The following RESF1 variants were observed in gnomAD, a reference collection of about 807,000 sequenced individuals.
RESF1 encodes the protein gonad expressed transcript.
In RESF1, 65 loss-of-function variants were observed where a neutral mutation model predicts 134.7. That is an observed-to-expected ratio of 0.48 (90% CI 0.40 to 0.59). The LOEUF is 0.59. Ranked by LOEUF, RESF1 falls within the 20% of genes least tolerant of loss-of-function variation. RESF1 has a pLI of 0.00. For synonymous variants in RESF1, 762 were observed against 702.2 expected, an observed-to-expected ratio of 1.09 and a Z score of -1.35; for missense variants, 2,274 against 2,002.7, an observed-to-expected ratio of 1.14 and a Z score of -2.59.
Position 31,975,222 on chromosome 12 carries a change from G to T in RESF1, c.-79+4866G>T, listed in dbSNP as rs536007414. Among the ~76,000 whole-genome samples the T allele has an allele frequency of 2.9e-4, 44 of 152,012 alleles. 1 individual carries two copies. The highest frequency in any genetic ancestry group is 8.3e-4 in the South Asian group (4 of 4,812). On this transcript the variant is annotated intron_variant, in intron 3 of 5. Transcript: ENST00000312561. ...CCGGGAGGTGGAGGTTGCAGATCGT[G>T]CCACTGCACTCCAGCCTGGGCGACA...
intron 3 of RESF1, among the ~76,000 whole-genome samples, chr12:31,972,344 C>A (rs867687480): frequency 2.1e-4 from 32 of 151,484 alleles, no homozygotes. Context: ...CAGTGGCTCA[C>A]GCCTGTAATC....
chr12:31,980,901 C>T lies in RESF1; in HGVS notation c.-55C>T. ...AGATTCCTGACATTCAGACAACTGA[C>T]TTGTAACTGACTTATAACTGACTTG... On this transcript the variant is annotated 5_prime_UTR_variant, in exon 4 of 6. Transcript: ENST00000312561. 2 of 1,302,144 alleles carry T rather than the reference C, an allele frequency of 1.5e-6. No individual in the cohort carries two copies. Among genetic ancestry groups the T allele is most frequent in the Non-Finnish European group, 2.1e-6 (2 of 942,590 alleles). The allele number at this position is 1,302,144 out of a possible 1,614,324, so 80.7% of individuals were successfully genotyped here.
At chr12:31,977,579 C>T (rs960421608) in intron 3 of RESF1, among the ~76,000 whole-genome samples, 3 of 152,082 alleles carry the variant, frequency 2.0e-5, no homozygotes, top group African/African-American at 7.2e-5. Context: ...TATTTTCATT[C>T]GTGGCATATA....
Position 31,981,183 on chromosome 12 carries a change from T to C in RESF1, c.228T>C (p.Ser76=), listed in dbSNP as rs775299354. The change falls in exon 4 of 6, where the codon TCT becomes TCC. Residue 76 remains serine, a synonymous_variant. Transcript: ENST00000312561. ...ATTATCCTCAACAAATTTCTGTTTCTGATATGCATAATGGGACAGTTGTGG... is the reference window on the plus strand; with the variant it reads ...ATTATCCTCAACAAATTTCTGTTTCCGATATGCATAATGGGACAGTTGTGG... The part of the protein sequence containing the change: ...IQNYPQQISV[S]DMHNGTVVAS... 6.2e-7 allele frequency: 1 copy of C among 1,614,096 alleles called. No individual in the cohort carries two copies. Among genetic ancestry groups the C allele is most frequent in the Non-Finnish European group, 8.5e-7 (1 of 1,179,952 alleles).
At position 31,984,899 on chromosome 12, in the gene RESF1, A is replaced by G. The variant is rs202170401; in HGVS notation, c.3944A>G (p.Glu1315Gly). 3 of 1,611,024 alleles carry G rather than the reference A, an allele frequency of 1.9e-6. No individual in the cohort carries two copies. The East Asian group carries it at 6.7e-5, about 36-fold the overall frequency. ...AGTAATAAAATGACAGCATCTTATGAACAAGCTTCTCAGGAAACCCGACAG... is the reference window on the plus strand; with the variant it reads ...AGTAATAAAATGACAGCATCTTATGGACAAGCTTCTCAGGAAACCCGACAG... ...HSSNKMTASY[E>G]QASQETRQKK... Residue 1315 changes from glutamate (E) to glycine (G), a missense_variant, in exon 4 of 6, where the codon GAA (glutamate) becomes GGA (glycine). Coordinates refer to ENST00000312561, the MANE Select transcript of RESF1 (RefSeq NM_018169.4).
intron 2 of RESF1, among the ~76,000 whole-genome samples, chr12:31,962,282 C>T (rs964712616): frequency 6.6e-6 from 1 of 151,236 alleles, no homozygotes; most frequent in African/African-American, 2.4e-5. Context: ...AGGCCTCCCT[C>T]CCTCCCCCAT....
At chr12:31,980,127 T>TTC (rs386376142) in intron 3 of RESF1, among the ~76,000 whole-genome samples, 8 of 145,446 alleles carry the variant, frequency 5.5e-5, no homozygotes, top group Non-Finnish European at 1.2e-4. Context: ...TTTTTTTTTT[T>TTC]TGAAACAGAG....
At position 31,982,597 on chromosome 12, in the gene RESF1, G is replaced by A. The variant is rs1211574294; in HGVS notation, c.1642G>A (p.Val548Ile). The A allele has an allele frequency of 4.3e-6, 7 of 1,613,924 alleles. No homozygotes were observed. In the South Asian group the frequency reaches 7.7e-5, roughly 18 times the overall value. The change falls in exon 4 of 6, where the codon GTT becomes ATT. Residue 548 changes from valine to isoleucine, a missense_variant. By Grantham distance (29) the Val-to-Ile change is conservative. Transcript: ENST00000312561. ...GAATACTCAGCTTTCATCAGAAAAT[G>A]TTACCAAAGTTGAGCAAAATTCACC... ...VLNTQLSSEN[V>I]TKVEQNSPAV...
At position 31,983,049 on chromosome 12, in the gene RESF1, A is replaced by C. The variant is rs550554204; in HGVS notation, c.2094A>C (p.Thr698=). ...AKEKECDKLR[T]NTTAVGISKP... is the part of the protein sequence containing the mutation. ...AAAAGGAGTGTGATAAACTCAGAAC[A>C]AACACAACAGCAGTTGGAATTTCAA... is the stretch of plus-strand genomic sequence containing the variant. Residue 698 remains threonine, a synonymous_variant, in exon 4 of 6, where the codon ACA becomes ACC. Transcript: ENST00000312561. The C allele has an allele frequency of 1.9e-6, 3 of 1,614,016 alleles. No individual in the cohort carries two copies. In the South Asian group the frequency reaches 3.3e-5, roughly 18 times the overall value.
Position 31,985,154 on chromosome 12 carries a change from G to A in RESF1, c.4199G>A (p.Ser1400Asn). 6.4e-7 allele frequency: 1 copy of A among 1,554,656 alleles called. No individual in the cohort carries two copies. ...CATGATAAACAAGAACAGAAAGGAA[G>A]TGTGGGAGCTACATTCAAATTAGGT... ...KKHDKQEQKG[S>N]VGATFKLGDS... Residue 1400 changes from serine to asparagine, a missense_variant, in exon 4 of 6, where the codon AGT (serine) becomes AAT (asparagine). Physicochemically the swap from Ser to Asn is conservative, Grantham distance 46. Transcript: ENST00000312561.
chr12:31,963,354 A>G (rs973905224), intron 2 of RESF1, among the ~76,000 whole-genome samples: 7 of 152,120 alleles, frequency 4.6e-5, no homozygotes, highest in Non-Finnish European at 1.0e-4. Context: ...AAAAAAAAAA[A>G]AAAAGTTCAT....
At position 31,964,735 on chromosome 12, in the gene RESF1, T is replaced by A. The variant is rs1366364022; in HGVS notation, c.-247+3864T>A. On this transcript the variant is annotated intron_variant, in intron 2 of 5. Transcript: ENST00000312561. ...TAGTCATGTTAAGCATCTTTTTATG[T>A]GCATGTTGATTTCTTTGGAGAAGTA... Among the ~76,000 whole-genome samples the A allele has an allele frequency of 3.9e-5, 6 of 152,224 alleles. No individual in the cohort carries two copies. The East Asian group carries it at 1.2e-3, about 29-fold the overall frequency.
At position 31,985,052 on chromosome 12, in the gene RESF1, T is replaced by C. The variant is rs1329853278; in HGVS notation, c.4097T>C (p.Leu1366Pro). ...TCACCAGAAAAGATAAAATTGAAAC[T>C]CAAATCAGTTAGCTTCAAACAAAAA... The part of the protein sequence containing the change: ...SLSPEKIKLK[L>P]KSVSFKQKRK... The change falls in exon 4 of 6, where the codon CTC (leucine) becomes CCC (proline). Residue 1366 changes from leucine to proline, a missense_variant. Transcript: ENST00000312561. 1 of 1,582,702 alleles carries C rather than the reference T, an allele frequency of 6.3e-7. No homozygotes were observed. Among genetic ancestry groups the C allele is most frequent in the East Asian group, 2.2e-5 (1 of 44,626 alleles).
At chr12:31,977,261 A>G (rs899803145) in intron 3 of RESF1, among the ~76,000 whole-genome samples, 15 of 151,912 alleles carry the variant, frequency 9.9e-5, no homozygotes, top group African/African-American at 1.7e-4. Context: ...GCTCACTGCA[A>G]CCTCCGCCTC....
rs948440131 is a variant in RESF1 at position 31,992,595 on chromosome 12, A to C, written c.*60A>C. ...ATTTCTTTCCTTTTCTGTTCAAAAT[A>C]TTTCGCTGAAACTAATGAGAAATGC... On this transcript the variant is annotated 3_prime_UTR_variant, in exon 6 of 6. Coordinates refer to ENST00000312561, the MANE Select transcript of RESF1 (RefSeq NM_018169.4). The C allele has an allele frequency of 7.4e-6, 11 of 1,489,082 alleles. No homozygotes were observed. Among genetic ancestry groups the C allele is most frequent in the African/African-American group, 1.4e-5 (1 of 71,392 alleles). 92.2% of individuals were successfully genotyped at this position (1,489,082 alleles called of 1,614,324 possible).
chr12:31,968,409 T>G (rs891554123), intron 2 of RESF1, among the ~76,000 whole-genome samples: 7 of 152,060 alleles, frequency 4.6e-5, no homozygotes, highest in Non-Finnish European at 8.8e-5. Flanking sequence ...ACAGAAGTGG[T>G]CAGGACTTTT....
At chr12:31,989,832 A>T (rs1484464902) in intron 5 of RESF1, among the ~76,000 whole-genome samples, 2 of 152,058 alleles carry the variant, frequency 1.3e-5, no homozygotes, top group Admixed American at 6.6e-5. Flanking sequence ...AGCTTGGGCG[A>T]CAGAGCAAAA....
chr12:31,965,796 C>A (rs1363271339), intron 2 of RESF1, among the ~76,000 whole-genome samples: 1 of 148,746 alleles, frequency 6.7e-6, no homozygotes, highest in African/African-American at 2.5e-5. Context: ...GAGGCTGAGG[C>A]AGGAGAATCG....
At position 31,981,911 on chromosome 12, in the gene RESF1, G is replaced by A. The variant is rs777962409; in HGVS notation, c.956G>A (p.Ser319Asn). The A allele has an allele frequency of 8.1e-5, 130 of 1,614,052 alleles. No homozygotes were observed. Among genetic ancestry groups the A allele is most frequent in the Non-Finnish European group, 1.0e-4 (122 of 1,180,036 alleles). ...ATGCTGTCATCTGAAATAAGGACCA[G>A]CTTTCAACAGCAGTGGCAAAACCCT... ...REMLSSEIRT[S>N]FQQQWQNPNE... Residue 319 changes from serine (S) to asparagine (N), a missense_variant, in exon 4 of 6, where the codon AGC becomes AAC. Transcript: ENST00000312561.
Sources: gnomAD v4.1 joint callset for allele counts (sites outside exome capture counted in the v4.1 genomes callset) on GRCh38, gnomAD v4.1.1 for gene constraint, MANE v1.5 for transcripts, NCBI Gene and HGNC (gene_info 2026-07-23, HGNC 2026-07-21) for gene names.